Variants in SMARCD1 observed in about 807,000 individuals in gnomAD.
SMARCD1 encodes the protein SWI/SNF related BAF chromatin remodeling complex subunit D1, also known as SWI/SNF-related matrix-associated actin-dependent regulator of chromatin subfamily D member 1.
In SMARCD1, 16 loss-of-function variants were observed where a neutral mutation model predicts 70.8. The observed-to-expected ratio is 0.23, with a 90% confidence interval of 0.15 to 0.34. The LOEUF (loss-of-function observed/expected upper bound fraction) is 0.34, where lower values mean the gene tolerates loss of function less well. Among genes scored for constraint, SMARCD1 ranks in the 10% least tolerant of loss-of-function variants. The pLI, the probability that SMARCD1 is intolerant of heterozygous loss-of-function variation, is 1.00. For synonymous variants in SMARCD1, 249 were observed against 246.0 expected (o/e 1.01, Z -0.11); for missense variants, 409 against 655.5 (o/e 0.62, Z 4.11).
chr12:50,088,270 T>A, intron 5 of SMARCD1: 1 of 702,608 alleles, frequency 1.4e-6, no homozygotes. Flanking sequence ...TTGCCTCATT[T>A]CCCTTGGGCA....
At chr12:50,086,432 G>A in intron 2 of SMARCD1, 84 bp downstream of exon 2, 2 of 1,347,998 alleles carry the variant, frequency 1.5e-6, no homozygotes, top group South Asian at 1.3e-5. Flanking sequence ...AAGAAGTGGT[G>A]GTGCTGTGTC....
At position 50,086,743 on chromosome 12, in the gene SMARCD1, T is replaced by G. The variant is rs757709272; in HGVS notation, c.409-13T>G. 16 of 1,614,148 alleles carry G rather than the reference T, an allele frequency of 9.9e-6. No homozygotes were observed. The highest frequency in any genetic ancestry group is 1.4e-5 in the Non-Finnish European group (16 of 1,180,016). On this transcript the variant is annotated splice_polypyrimidine_tract_variant and intron_variant, in intron 3 of 12. Coordinates refer to ENST00000394963, the MANE Select transcript of SMARCD1 (RefSeq NM_003076.5). ...GATCATCCTAGATTTCAATTAATTT[T>G]TCTGTTCCTAAGATTCGTGAACTGG...
intron 9 of SMARCD1, among the ~76,000 whole-genome samples, chr12:50,091,670 G>A (rs993247432): frequency 1.8e-4 from 28 of 152,032 alleles, no homozygotes; most frequent in Admixed American, 1.5e-3. Context: ...TCCGCCACCT[G>A]AGTTCAAGCA....
Position 50,096,149 on chromosome 12 carries a change from G to A in SMARCD1, c.1270-701G>A, listed in dbSNP as rs374239230. Among the ~76,000 whole-genome samples the A allele has an allele frequency of 9.2e-5, 14 of 152,304 alleles. No individual in the cohort carries two copies. The South Asian group carries it at 2.7e-3, about 29-fold the overall frequency. ...GGTGGAGATAAGTAGATAGATTTGA[G>A]AGGTGTCAAGGTGGAATTGAAGGAA... On this transcript the variant is annotated intron_variant, in intron 10 of 12. Coordinates refer to ENST00000394963, the MANE Select transcript of SMARCD1 (RefSeq NM_003076.5).
intron 10 of SMARCD1, among the ~76,000 whole-genome samples, chr12:50,095,819 G>T (rs553409637): frequency 2.8e-4 from 42 of 152,302 alleles, no homozygotes; most frequent in African/African-American, 9.4e-4. Context: ...ATAGAGTGCC[G>T]AGGACGGGAT....
At position 50,089,895 on chromosome 12, in the gene SMARCD1, C is replaced by A. The variant is rs138598012; in HGVS notation, c.783C>A (p.Thr261=). 1 of 1,613,524 alleles carries A rather than the reference C, an allele frequency of 6.2e-7. No individual in the cohort carries two copies. ...CTTCCTCTCTGTAGTGGCACAGGAC[C>A]GCCACTACCCAGGAGACCGATGGCT... The part of the protein sequence containing the change: ...PDNHLVEWHR[T]ATTQETDGFQ... The change falls in exon 7 of 13, where the codon ACC becomes ACA. Residue 261 remains threonine, a synonymous_variant. Coordinates refer to ENST00000394963, the MANE Select transcript of SMARCD1 (RefSeq NM_003076.5).
At chr12:50,086,489 T>TAGTGGTGGTGGGGGTGGTGGG in intron 2 of SMARCD1, 132 bp from the exon 3 acceptor site, 1 of 1,004,266 alleles carries the variant, frequency 1.0e-6, no homozygotes, top group Non-Finnish European at 1.5e-6. Flanking sequence ...TTGGTGGTGG[T>TAGTGGTGGTGGGGGTGGTGGG]GGTGGTGGTG....
intron 7 of SMARCD1, 123 bp from the exon 8 acceptor site, chr12:50,090,118 A>T: frequency 7.7e-7 from 1 of 1,291,820 alleles, no homozygotes. Flanking sequence ...GTCATCTCTG[A>T]GTTCTTCCTA....
At chr12:50,088,953 T>C (rs551183582) in intron 6 of SMARCD1, 37 of 180,204 alleles carry the variant, frequency 2.1e-4, no homozygotes, top group Non-Finnish European at 6.9e-5. Flanking sequence ...TTGTTAATAA[T>C]GGTGAGATGT....
intron 9 of SMARCD1, among the ~76,000 whole-genome samples, chr12:50,094,033 A>G (rs890446343): frequency 5.3e-5 from 8 of 151,882 alleles, no homozygotes; most frequent in African/African-American, 1.7e-4. Flanking sequence ...TTACAGGCAT[A>G]AGCCACCACG....
At chr12:50,094,763 C>G (rs1048313573) in intron 10 of SMARCD1, among the ~76,000 whole-genome samples, 191 bp downstream of exon 10, 1 of 152,180 alleles carries the variant, frequency 6.6e-6, no homozygotes, top group Non-Finnish European at 1.5e-5. Flanking sequence ...CACTGAGCCT[C>G]GGTTTCTGAT....
rs527850810 is a variant in SMARCD1 at position 50,094,609 on chromosome 12, G to C, written c.1269+37G>C. ...TGCCCTGGATAGTTGGGTACCACCA[G>C]CCCCTATCACAGCTTCAAGGCCTCC... On this transcript the variant is annotated intron_variant, in intron 10 of 12. Coordinates refer to ENST00000394963, the MANE Select transcript of SMARCD1 (RefSeq NM_003076.5). The C allele has an allele frequency of 3.5e-4, 567 of 1,599,012 alleles. 8 individuals carry two copies. The South Asian group carries it at 5.4e-3, about 15-fold the overall frequency.
intron 9 of SMARCD1, among the ~76,000 whole-genome samples, chr12:50,092,235 CTTTTTTTTT>C (rs60619880): frequency 2.2e-5 from 2 of 91,156 alleles, no homozygotes; most frequent in African/African-American, 8.9e-5. Flanking sequence ...TTCTTTCTTT[CTTTTTTTTT>C]TTTTTTTTTT....
At chr12:50,093,779 G>A (rs1950868484) in intron 9 of SMARCD1, among the ~76,000 whole-genome samples, 2 of 152,004 alleles carry the variant, frequency 1.3e-5, no homozygotes, top group Admixed American at 6.6e-5. Context: ...ACCATGGCTC[G>A]CCGAATTTTT....
At chr12:50,098,435 C>T (rs998300911) in intron 11 of SMARCD1, 6 of 438,656 alleles carry the variant, frequency 1.4e-5, no homozygotes, top group African/African-American at 8.0e-5. Flanking sequence ...TGTGACTTCA[C>T]GTTGTCTTCC....
rs373490516 is a variant in SMARCD1, at chr12:50,090,033, G to A, written c.873+48G>A. ...GGTCCAGCTTTCACAGCCACATACCGTCAGCAGTCTCACTTTAAAGAGTTT... is the reference window on the plus strand; with the variant it reads ...GGTCCAGCTTTCACAGCCACATACCATCAGCAGTCTCACTTTAAAGAGTTT... On this transcript the variant is annotated intron_variant, in intron 7 of 12. Transcript: ENST00000394963. 800 of 1,479,432 alleles carry A rather than the reference G, an allele frequency of 5.4e-4. 6 individuals are homozygous for A. Among genetic ancestry groups the A allele is most frequent in the Middle Eastern group, 4.1e-3 (24 of 5,798 alleles). 91.6% of individuals were successfully genotyped at this position (1,479,432 alleles called of 1,614,324 possible).
At chr12:50,097,708 A>G (rs933589130) in intron 11 of SMARCD1, among the ~76,000 whole-genome samples, 1 of 151,626 alleles carries the variant, frequency 6.6e-6, no homozygotes, top group Non-Finnish European at 1.5e-5. Flanking sequence ...CCTGGCCAAC[A>G]TGGTGAAACC....
intron 9 of SMARCD1, among the ~76,000 whole-genome samples, chr12:50,093,977 C>G (rs1950870083): frequency 6.6e-6 from 1 of 151,932 alleles, no homozygotes. Flanking sequence ...TCACCATGTT[C>G]CTGACCTCAG....
rs1950894849 is a variant in SMARCD1 at position 50,096,546 on chromosome 12, CT to C, written c.1270-300del. ...GCCAGTCCTTTTCTTCCTGAGAACACTTTTGGACCCATTTGTGCTGTGGAGT... is the reference window on the plus strand; with the variant it reads ...GCCAGTCCTTTTCTTCCTGAGAACACTTTGGACCCATTTGTGCTGTGGAGT... On this transcript the variant is annotated intron_variant, in intron 10 of 12. Coordinates refer to ENST00000394963, the MANE Select transcript of SMARCD1 (RefSeq NM_003076.5). The C allele has an allele frequency of 2.9e-5, 7 of 237,818 alleles. 1 individual carries two copies. The South Asian group carries it at 7.0e-4, about 24-fold the overall frequency. 14.7% of individuals were successfully genotyped at this position (237,818 alleles called of 1,614,324 possible).
Sources: gnomAD v4.1 joint callset for allele counts (sites outside exome capture counted in the v4.1 genomes callset) on GRCh38, gnomAD v4.1.1 for gene constraint, MANE v1.5 for transcripts, NCBI Gene and HGNC (gene_info 2026-07-23, HGNC 2026-07-21) for gene names.